CCNI2: variants seen among roughly 807,000 people sequenced by gnomAD.
CCNI2 encodes the protein cyclin-I2.
Under a neutral mutation model 33.2 loss-of-function variants are expected in CCNI2, and 32 were observed. That is an observed-to-expected ratio of 0.96 (90% CI 0.73 to 1.30). The LOEUF (loss-of-function observed/expected upper bound fraction) is 1.30, where lower values mean the gene tolerates loss of function less well. CCNI2 is among the 50% of genes most tolerant of loss of function. The probability of loss-of-function intolerance (pLI) is 0.00; values close to 1 mark genes in which losing one functional copy is unlikely to be tolerated. For synonymous variants in CCNI2, 231 were observed against 219.9 expected, an observed-to-expected ratio of 1.05 and a Z score of -0.45; for missense variants, 452 against 486.2, an observed-to-expected ratio of 0.93 and a Z score of 0.66.
At chr5:132,748,265 T>G in intron 1 of CCNI2, 82 bp from the exon 2 acceptor site, 6 of 1,559,824 alleles carry the variant, frequency 3.8e-6, no homozygotes, top group Non-Finnish European at 5.2e-6. Context: ...CCCCGCACCT[T>G]AAGCAGGAGG....
chr5:132,755,809 C>A (rs1001947574), downstream of CCNI2, among the ~76,000 whole-genome samples: 5 of 152,200 alleles, frequency 3.3e-5, no homozygotes, highest in African/African-American at 1.2e-4. Flanking sequence ...TTCCCTCCAT[C>A]CCCCACCTAT....
intron 5 of CCNI2, 50 bp from the exon 6 acceptor site, chr5:132,752,816 T>G (rs1754970298): frequency 6.5e-7 from 1 of 1,533,702 alleles, no homozygotes; most frequent in Non-Finnish European, 9.0e-7. Context: ...GCCAATTTCT[T>G]AGAATGTATG....
At position 132,749,405 on chromosome 5, in the gene CCNI2, G is replaced by C; in HGVS notation, c.616G>C (p.Val206Leu). Residue 206 changes from valine to leucine, a missense_variant, in exon 3 of 6, where the codon GTT becomes CTT. By Grantham distance (32) the Val-to-Leu change is conservative. Transcript: ENST00000378731. Reference sequence around the variant, plus strand: ...TACTTCCTTGAGGCTCGCTGCAAAAGTTAATGAAGAAGAGGAGGTATGCAT... The same window carrying C: ...TACTTCCTTGAGGCTCGCTGCAAAACTTAATGAAGAAGAGGAGGTATGCAT... Reference protein sequence around the residue: ...TITSLRLAAKVNEEEEFIPQV... With the variant: ...TITSLRLAAKLNEEEEFIPQV... 1 of 1,614,140 alleles carries C rather than the reference G, an allele frequency of 6.2e-7. No individual in the cohort carries two copies. Among genetic ancestry groups the C allele is most frequent in the Non-Finnish European group, 8.5e-7 (1 of 1,179,970 alleles).
chr5:132,749,808 G>A (rs1299904294), intron 3 of CCNI2, among the ~76,000 whole-genome samples: 1 of 152,182 alleles, frequency 6.6e-6, no homozygotes, highest in East Asian at 1.9e-4. Context: ...AGCTGCTTGA[G>A]ACTTGAGGAC....
At position 132,750,793 on chromosome 5, in the gene CCNI2, G is replaced by A. The variant is rs1015192447; in HGVS notation, c.634-64G>A. 55 of 1,555,264 alleles carry A rather than the reference G, an allele frequency of 3.5e-5. 1 individual carries two copies. In the African/African-American group the frequency reaches 6.7e-4, roughly 19 times the overall value. ...GGTCATGAATGCCCAGTCCCCATGG[G>A]TAAGAAAACAAAAGCTACTATGACA... On this transcript the variant is annotated intron_variant, in intron 3 of 5. Transcript: ENST00000378731.
At chr5:132,749,558 C>A in intron 3 of CCNI2, 136 bp downstream of exon 3, 1 of 686,364 alleles carries the variant, frequency 1.5e-6, no homozygotes, top group South Asian at 1.7e-5. Context: ...TTGCCGGCAT[C>A]TCTGCTATCC....
At chr5:132,754,772 T>C (rs201322475), downstream of CCNI2, among the ~76,000 whole-genome samples, 2 of 152,150 alleles carry the variant, frequency 1.3e-5, no homozygotes, top group East Asian at 1.9e-4. Flanking sequence ...AACTCAGAGA[T>C]TGGGAAACAT....
At chr5:132,750,142 T>C (rs1754746188) in intron 3 of CCNI2, among the ~76,000 whole-genome samples, 1 of 152,244 alleles carries the variant, frequency 6.6e-6, no homozygotes, top group Non-Finnish European at 1.5e-5. Flanking sequence ...AAAAATGTTT[T>C]AAACTCCTGT....
In CCNI2 at chr5:132,752,819, A is replaced by G. The variant is rs188113713; in HGVS notation, c.1006-47A>G. The G allele has an allele frequency of 7.5e-5, 115 of 1,536,076 alleles. No homozygotes were observed. In the Middle Eastern group the frequency reaches 8.4e-4, roughly 11 times the overall value. On this transcript the variant is annotated intron_variant, in intron 5 of 5. Coordinates refer to ENST00000378731, the MANE Select transcript of CCNI2 (RefSeq NM_001039780.4). ...TGGCACTCAATTGCCAATTTCTTAG[A>G]ATGTATGATGGTTCTGCTTGAAGAT...
At position 132,752,859 on chromosome 5, in the gene CCNI2, A is replaced by G. The variant is rs1754978575; in HGVS notation, c.1006-7A>G. 1 of 1,612,050 alleles carries G rather than the reference A, an allele frequency of 6.2e-7. No homozygotes were observed. The highest frequency in any genetic ancestry group is 1.3e-5 in the African/African-American group (1 of 74,974). ...TGCTTGAAGATGGCCACTCTATTCT[A>G]ATACAGGTTGGTGATATGCAGTACA... On this transcript the variant is annotated splice_polypyrimidine_tract_variant and splice_region_variant and intron_variant, in intron 5 of 5. Transcript: ENST00000378731.
Position 132,752,869 on chromosome 5 carries a change from G to A in CCNI2, c.1009G>A (p.Gly337Ser), listed in dbSNP as rs763875512. Residue 337 changes from glycine to serine, a missense_variant, in exon 6 of 6, where the codon GGT becomes AGT. Physicochemically the swap from Gly to Ser is moderately conservative, Grantham distance 56 (BLOSUM62 0). Coordinates refer to ENST00000378731, the MANE Select transcript of CCNI2 (RefSeq NM_001039780.4). ...ISDLLKKAQV[G>S]DMQYSCCKEL... ...TGGCCACTCTATTCTAATACAGGTT[G>A]GTGATATGCAGTACAGCTGCTGCAA... The A allele has an allele frequency of 6.2e-7, 1 of 1,613,202 alleles. No individual in the cohort carries two copies.
Position 132,747,653 on chromosome 5 carries a change from G to A in CCNI2, c.158G>A (p.Arg53Gln). 3.3e-6 allele frequency: 5 copies of A among 1,503,386 alleles called. No individual in the cohort carries two copies. The highest frequency in any genetic ancestry group is 1.2e-5 in the South Asian group (1 of 80,452). The allele number at this position is 1,503,386 out of a possible 1,614,324, so 93.1% of individuals were successfully genotyped here. The change falls in exon 1 of 6, where the codon CGG (arginine) becomes CAG (glutamine). Residue 53 changes from arginine to glutamine, a missense_variant. Coordinates refer to ENST00000378731, the MANE Select transcript of CCNI2 (RefSeq NM_001039780.4). This position sits in a 1 kb window ranked among gnomAD's most constrained non-coding sequence, Gnocchi z 4.1. ...PGEAPLPRSN[R>Q]SRCPGTRQPG... ...GAGGCCCCTCTGCCCCGAAGCAACCGGAGCAGGTGCCCTGGGACCCGCCAG... is the reference window on the plus strand; with the variant it reads ...GAGGCCCCTCTGCCCCGAAGCAACCAGAGCAGGTGCCCTGGGACCCGCCAG...
rs944031348 is a variant in CCNI2 at position 132,753,109 on chromosome 5, A to G, written c.*139A>G. ...AAGAGCAACTGAGAAAAAGTTCCCA[A>G]CTGAGCCCTTGGAAAAAAAATAAAG... On this transcript the variant is annotated 3_prime_UTR_variant, in exon 6 of 6. Coordinates refer to ENST00000378731, the MANE Select transcript of CCNI2 (RefSeq NM_001039780.4). 2 of 686,508 alleles carry G rather than the reference A, an allele frequency of 2.9e-6. No homozygotes were observed. The highest frequency in any genetic ancestry group is 1.8e-5 in the African/African-American group (1 of 55,612). The allele number at this position is 686,508 out of a possible 1,614,324, so 42.5% of individuals were successfully genotyped here. A position where few individuals can be genotyped will look rare whatever the true frequency, so the allele number is the denominator to read the frequency against.
At chr5:132,750,719 C>A in intron 3 of CCNI2, 138 bp from the exon 4 acceptor site, 2 of 832,466 alleles carry the variant, frequency 2.4e-6, no homozygotes, top group Admixed American at 2.8e-5. Context: ...TTTAGTATTT[C>A]TTTCAGAAGC....
intron 4 of CCNI2, chr5:132,751,652 T>TA: frequency 4.7e-6 from 2 of 425,240 alleles, no homozygotes; most frequent in Non-Finnish European, 8.3e-6. Flanking sequence ...CAAGTAACTT[T>TA]TCTGCTACCT....
chr5:132,752,598 T>G (rs182914154), intron 5 of CCNI2, among the ~76,000 whole-genome samples: 1 of 152,234 alleles, frequency 6.6e-6, no homozygotes, highest in African/African-American at 2.4e-5. Context: ...AGGGGTACCA[T>G]GAGGCAAGCA....
At chr5:132,749,314 T>C (rs1168138614) in intron 2 of CCNI2, 34 bp from the exon 3 acceptor site, 2 of 1,531,610 alleles carry the variant, frequency 1.3e-6, no homozygotes, top group African/African-American at 2.7e-5. Flanking sequence ...CTGGCATTCA[T>C]ATTCTGCTCA....
chr5:132,750,268 T>A (rs1446294829), intron 3 of CCNI2, among the ~76,000 whole-genome samples: 2 of 152,246 alleles, frequency 1.3e-5, no homozygotes, highest in African/African-American at 2.4e-5. Context: ...ATCAAGCCTT[T>A]AATGTACTTG....
chr5:132,755,273 C>T (rs1264007858), downstream of CCNI2, among the ~76,000 whole-genome samples: 1 of 152,294 alleles, frequency 6.6e-6, no homozygotes, highest in Non-Finnish European at 1.5e-5. Flanking sequence ...TACTTTTTAT[C>T]ACTTCTTTTC....
Sources: gnomAD v4.1 joint callset for allele counts (sites outside exome capture counted in the v4.1 genomes callset) on GRCh38, gnomAD v4.1.1 for gene constraint, Gnocchi (gnomAD v3.1) non-coding constraint, MANE v1.5 for transcripts, NCBI Gene and HGNC (gene_info 2026-07-23, HGNC 2026-07-21) for gene names.